FRMD6: variants seen among roughly 807,000 people sequenced by gnomAD.
FRMD6 encodes the protein FERM domain containing 6, also known as FERM domain-containing protein 6.
Under a neutral mutation model 73.2 loss-of-function variants are expected in FRMD6, and 37 were observed. The observed-to-expected ratio is 0.51, with a 90% CI of 0.39 to 0.66. The LOEUF (loss-of-function observed/expected upper bound fraction) is 0.66, where lower values mean the gene tolerates loss of function less well. Among genes scored for constraint, FRMD6 ranks in the 30% least tolerant of loss-of-function variants. FRMD6 has a pLI of 0.00. For synonymous variants in FRMD6, 273 were observed against 282.2 expected, an observed-to-expected ratio of 0.97 and a Z score of 0.33; for missense variants, 714 against 780.5, an observed-to-expected ratio of 0.91 and a Z score of 1.02.
chr14:51,642,704 T>C (rs148584916), intron 2 of FRMD6, among the ~76,000 whole-genome samples: 5 of 152,326 alleles, frequency 3.3e-5, no homozygotes, highest in African/African-American at 1.2e-4. Context: ...CACTTCAGCA[T>C]TTCTGTAGGA....
intron 2 of FRMD6, among the ~76,000 whole-genome samples, chr14:51,574,355 G>T (rs1041078061): frequency 1.1e-4 from 17 of 152,158 alleles, no homozygotes; most frequent in African/African-American, 4.1e-4. Flanking sequence ...AGCCTTTAAA[G>T]CTACCCTGAT....
the FRMD6 span, among the ~76,000 whole-genome samples, chr14:51,399,084 G>A: frequency 8.4e-3 from 1,284 of 152,256 alleles, 14 homozygotes; most frequent in African/African-American, 0.017. Context: ...CCCTTTTCCT[G>A]TGTGTCTACC....
the FRMD6 span, among the ~76,000 whole-genome samples, chr14:51,421,652 A>C: frequency 4.4e-3 from 668 of 152,340 alleles, 5 homozygotes; most frequent in African/African-American, 0.015. Flanking sequence ...AAAATAGAGC[A>C]CTATAATTGA....
intron 1 of FRMD6, among the ~76,000 whole-genome samples, chr14:51,500,733 T>G (rs1181842255): frequency 6.6e-6 from 1 of 152,088 alleles, no homozygotes; most frequent in Non-Finnish European, 1.5e-5. Flanking sequence ...CATAGAAGAT[T>G]ATATATATGT....
chr14:51,639,598 G>C (rs1891731701), intron 2 of FRMD6, among the ~76,000 whole-genome samples: 1 of 152,064 alleles, frequency 6.6e-6, no homozygotes, highest in Non-Finnish European at 1.5e-5. Context: ...ACCTAAACTT[G>C]GCATAGCATC....
chr14:51,489,213 A>C (rs138058786), exon 1 of FRMD6: 14 of 152,360 alleles, frequency 9.2e-5, no homozygotes, highest in African/African-American at 3.4e-4. Flanking sequence ...TTTCTCTCCA[A>C]ACATTCTTCC....
chr14:51,607,537 G>T (rs1015563136), intron 2 of FRMD6, among the ~76,000 whole-genome samples: 1 of 152,154 alleles, frequency 6.6e-6, no homozygotes, highest in Non-Finnish European at 1.5e-5. Context: ...TGATTGCCAT[G>T]TAAGTAATAT....
At chr14:51,610,060 T>C (rs930016752) in intron 2 of FRMD6, among the ~76,000 whole-genome samples, 7 of 152,138 alleles carry the variant, frequency 4.6e-5, no homozygotes, top group African/African-American at 1.7e-4. Flanking sequence ...GTGCCTGCAG[T>C]CCGCCTCTAG....
At chr14:51,504,439 G>T (rs550233941) in intron 1 of FRMD6, among the ~76,000 whole-genome samples, 2 of 152,306 alleles carry the variant, frequency 1.3e-5, no homozygotes, top group South Asian at 4.1e-4. Context: ...AAGCAGTCTG[G>T]TTACTTTTTG....
At chr14:51,413,666 A>C in the FRMD6 span, among the ~76,000 whole-genome samples, 1 of 152,212 alleles carries the variant, frequency 6.6e-6, no homozygotes, top group African/African-American at 2.4e-5. Context: ...TCCTTTGTGT[A>C]CATACCCAGT....
chr14:51,715,689 G>T (rs572888735), intron 10 of FRMD6, among the ~76,000 whole-genome samples, 190 bp downstream of exon 10: 1 of 152,136 alleles, frequency 6.6e-6, no homozygotes, highest in Admixed American at 6.5e-5. Context: ...CCCACCTACT[G>T]TAGCACTTAT....
the FRMD6 span, among the ~76,000 whole-genome samples, chr14:51,426,899 A>G: frequency 6.6e-6 from 1 of 152,180 alleles, no homozygotes; most frequent in South Asian, 2.1e-4. Flanking sequence ...ACCCCACTGC[A>G]TTAGCTTAGA....
At chr14:51,523,060 A>G (rs989217470) in intron 1 of FRMD6, 2 of 152,228 alleles carry the variant, frequency 1.3e-5, no homozygotes, top group African/African-American at 4.8e-5. Flanking sequence ...TGGGAATTAG[A>G]ACTATTATTT....
intron 2 of FRMD6, among the ~76,000 whole-genome samples, chr14:51,691,619 G>A (rs962543691): frequency 3.1e-5 from 3 of 96,978 alleles, no homozygotes; most frequent in Non-Finnish European, 5.9e-5. Flanking sequence ...TTTTGAGTCA[G>A]AGTCTTTCTC....
chr14:51,445,070 G>A, the FRMD6 span, among the ~76,000 whole-genome samples: 1 of 152,162 alleles, frequency 6.6e-6, no homozygotes, highest in Non-Finnish European at 1.5e-5. Context: ...AAGAAAGAGA[G>A]GGTCTGCTGC....
At chr14:51,716,350 C>T (rs946725799) in intron 10 of FRMD6, among the ~76,000 whole-genome samples, 8 of 151,340 alleles carry the variant, frequency 5.3e-5, no homozygotes, top group African/African-American at 1.9e-4. Flanking sequence ...ATTTGTTTTG[C>T]AAAAATTAGT....
intron 1 of FRMD6, among the ~76,000 whole-genome samples, chr14:51,653,549 T>G (rs1050938415): frequency 1.3e-5 from 2 of 152,204 alleles, no homozygotes; most frequent in African/African-American, 4.8e-5. Flanking sequence ...ATGAGAAATT[T>G]TTTTTTAGAA....
exon 1 of FRMD6, chr14:51,489,402 C>T (rs1272160635): frequency 6.6e-6 from 1 of 152,608 alleles, no homozygotes; most frequent in African/African-American, 2.4e-5. Flanking sequence ...AGCCTGGCTC[C>T]TGGTGGCTCC....
intron 1 of FRMD6, among the ~76,000 whole-genome samples, chr14:51,544,763 G>A (rs761318036): frequency 2.6e-5 from 4 of 151,618 alleles, no homozygotes; most frequent in South Asian, 4.1e-4. Context: ...CTCTACTTGC[G>A]AGCCAAGAGA....
Sources: gnomAD v4.1 joint callset for allele counts (sites outside exome capture counted in the v4.1 genomes callset) on GRCh38, gnomAD v4.1.1 for gene constraint, MANE v1.5 for transcripts, NCBI Gene and HGNC (gene_info 2026-07-23, HGNC 2026-07-21) for gene names.